HSPA8: variants seen among roughly 807,000 people sequenced by gnomAD.
HSPA8 encodes heat shock protein family A (Hsp70) member 8.
In HSPA8, 2 loss-of-function variants were observed where a neutral mutation model predicts 52.8. The observed-to-expected ratio is 0.04, with a 90% CI of 0.02 to 0.12. The LOEUF (loss-of-function observed/expected upper bound fraction) is 0.12, where lower values mean the gene tolerates loss of function less well. Among genes scored for constraint, HSPA8 ranks in the 10% least tolerant of loss-of-function variants. HSPA8 has a pLI of 1.00. For synonymous variants in HSPA8, 436 were observed against 274.0 expected (o/e 1.59, Z -5.84); for missense variants, 349 against 800.5 (o/e 0.44, Z 6.81).
chr11:123,062,147 G>C (rs568739504), upstream of HSPA8: 2 of 152,604 alleles, frequency 1.3e-5, no homozygotes, highest in Admixed American at 6.5e-5. Context: ...ACCGGTTTCC[G>C]CCCGCCACCC....
At chr11:123,060,329 A>G (rs1865454565) in intron 3 of HSPA8, 61 bp from the exon 4 acceptor site, 2 of 1,482,056 alleles carry the variant, frequency 1.3e-6, no homozygotes, top group African/African-American at 1.4e-5. Context: ...TGCAAACTCC[A>G]GCAAATGGAT....
Position 123,058,874 on chromosome 11 carries a change from T to G in HSPA8, c.1324-44A>C, listed in dbSNP as rs566577895. On this transcript the variant is annotated intron_variant, in intron 6 of 8. Coordinates refer to ENST00000534624, the MANE Select transcript of HSPA8 (RefSeq NM_006597.6). ...AAATTACTACAATGGACTCCAGGTC[T>G]GTGACAGTGCTAGGGTCCTGCTAAG... 6 of 1,569,292 alleles carry G rather than the reference T, an allele frequency of 3.8e-6. No homozygotes were observed. In the Admixed American group the frequency reaches 1.0e-4, roughly 26 times the overall value.
chr11:123,061,831 C>T (rs1865515045), intron 1 of HSPA8: 1 of 164,204 alleles, frequency 6.1e-6, no homozygotes, highest in African/African-American at 2.4e-5. Flanking sequence ...CCGGGCGTCT[C>T]CCAGCCTCCC....
At chr11:123,061,633 GC>G in intron 1 of HSPA8, 3 of 429,774 alleles carry the variant, frequency 7.0e-6, no homozygotes, top group Non-Finnish European at 1.3e-5. Flanking sequence ...AGGTGCCAGT[GC>G]CCCCGGGAGT....
At chr11:123,060,396 G>T in intron 3 of HSPA8, 128 bp from the exon 4 acceptor site, 4 of 1,016,582 alleles carry the variant, frequency 3.9e-6, no homozygotes, top group Non-Finnish European at 5.9e-6. Flanking sequence ...AAATTACTGT[G>T]TAATTGTCAA....
chr11:123,060,297 G>T (rs781509707), intron 3 of HSPA8, 29 bp from the exon 4 acceptor site: 7 of 1,606,162 alleles, frequency 4.4e-6, no homozygotes, highest in Middle Eastern at 1.6e-4. Flanking sequence ...CCACAGATTG[G>T]TAACTATTAT....
Position 123,058,362 on chromosome 11 carries a change from T to A in HSPA8, c.1645A>T (p.Met549Leu). The part of the protein sequence containing the change: ...KNSLESYAFN[M>L]KATVEDEKLQ... Reference sequence around the variant, plus strand: ...TTCTCATCTTCAACAGTTGCTTTCATGTTGAAGGCATAGGACTCAAGTGAA... The same window carrying A: ...TTCTCATCTTCAACAGTTGCTTTCAAGTTGAAGGCATAGGACTCAAGTGAA... The change falls in exon 8 of 9, where the codon ATG (methionine) becomes TTG (leucine). Residue 549 changes from methionine (M) to leucine (L), a missense_variant. Transcript: ENST00000534624. 2 of 1,613,194 alleles carry A rather than the reference T, an allele frequency of 1.2e-6. No homozygotes were observed. Among genetic ancestry groups the A allele is most frequent in the Non-Finnish European group, 1.7e-6 (2 of 1,179,104 alleles).
Position 123,060,261 on chromosome 11 carries a change from G to GT in HSPA8, c.418dup (p.Thr140AsnfsTer12), listed in dbSNP as rs777175548. 6.2e-7 allele frequency: 1 copy of GT among 1,613,196 alleles called. No individual in the cohort carries two copies. On this transcript the variant is annotated frameshift_variant, in exon 4 of 9. Coordinates refer to ENST00000534624, the MANE Select transcript of HSPA8 (RefSeq NM_006597.6). LOFTEE classifies it high-confidence loss of function. ...AGCTGGCACTGTGACCACAGCATTG[G>GT]TAACAGTCTAGGAATAAGGAAAAGA...
intron 1 of HSPA8, 79 bp from the exon 2 acceptor site, chr11:123,061,408 G>C (rs994619252): frequency 1.5e-5 from 17 of 1,149,442 alleles, no homozygotes; most frequent in Admixed American, 4.1e-5. Flanking sequence ...CACTTAACCA[G>C]GAAAAACGTA....
chr11:123,061,066 T>C (rs1865484952), intron 2 of HSPA8, 54 bp downstream of exon 2: 10 of 1,487,548 alleles, frequency 6.7e-6, no homozygotes, highest in Non-Finnish European at 7.5e-6. Flanking sequence ...TCATAAACTT[T>C]TGTGCTTCCT....
chr11:123,058,535 G>A lies in HSPA8; in HGVS notation c.1523-51C>T, dbSNP rs374190356. The A allele has an allele frequency of 3.8e-6, 6 of 1,583,730 alleles. No homozygotes were observed. The Admixed American group carries it at 5.0e-5, about 13-fold the overall frequency. ...AAAGCCTTAAATTACCTGTGTATGT[G>A]TAACTCTAGTTTCTCTTAGCTAGAC... On this transcript the variant is annotated intron_variant, in intron 7 of 8. Transcript: ENST00000534624.
At position 123,058,720 on chromosome 11, in the gene HSPA8, A is replaced by G. The variant is rs775629110; in HGVS notation, c.1434T>C (p.Phe478=). The change falls in exon 7 of 9, where the codon TTT becomes TTC. Residue 478 remains phenylalanine (F), a synonymous_variant. Coordinates refer to ENST00000534624, the MANE Select transcript of HSPA8 (RefSeq NM_006597.6). ...TGAGTATACCATTGGCATCAATGTC[A>G]AAAGTGACTTCAATCTGAGGAACAC... ...PRGVPQIEVT[F]DIDANGILNV... 14 of 1,613,870 alleles carry G rather than the reference A, an allele frequency of 8.7e-6. No homozygotes were observed. The highest frequency in any genetic ancestry group is 1.2e-5 in the Non-Finnish European group (14 of 1,179,936).
intron 5 of HSPA8, 82 bp from the exon 6 acceptor site, chr11:123,059,343 A>ACATC: frequency 7.2e-7 from 1 of 1,392,830 alleles, no homozygotes; most frequent in Non-Finnish European, 1.0e-6. Context: ...ACTCGCTCAG[A>ACATC]CATCCAAGGA....
intron 1 of HSPA8, chr11:123,061,565 C>A (rs571975381): frequency 7.4e-5 from 41 of 556,116 alleles, no homozygotes; most frequent in Non-Finnish European, 1.1e-4. Flanking sequence ...CGGCGTGGGG[C>A]GTTGCTCAAC....
rs149047184 is a variant in HSPA8, at chr11:123,060,367, A to ACCCC, written c.412-103_412-100dup. ...ATGCTGGTGAAAGAACAGCTGGAGC[A>ACCCC]CCCCCCCCACCAAAATGTAAATTAC... On this transcript the variant is annotated intron_variant, in intron 3 of 8. Coordinates refer to ENST00000534624, the MANE Select transcript of HSPA8 (RefSeq NM_006597.6). 2.2e-5 allele frequency: 24 copies of ACCCC among 1,107,112 alleles called. No individual in the cohort carries two copies. In the African/African-American group the frequency reaches 3.2e-4, roughly 15 times the overall value. 68.6% of individuals were successfully genotyped at this position (1,107,112 alleles called of 1,614,324 possible). A position where few individuals can be genotyped will look rare whatever the true frequency, so the allele number is the denominator to read the frequency against.
chr11:123,061,098 T>C (rs1865486565), intron 2 of HSPA8, 22 bp downstream of exon 2: 7 of 1,597,808 alleles, frequency 4.4e-6, no homozygotes, highest in South Asian at 1.1e-5. Flanking sequence ...ATTTGTTCTG[T>C]CATTTAAAAT....
chr11:123,061,692 G>T (rs1225600396), intron 1 of HSPA8: 5 of 298,282 alleles, frequency 1.7e-5, no homozygotes, highest in Non-Finnish European at 2.6e-5. Flanking sequence ...CTGGAAGCAC[G>T]CCAAGAACAG....
Position 123,059,689 on chromosome 11 carries a change from A to G in HSPA8, c.904T>C (p.Phe302Leu). ...DFYTSITRAR[F>L]EELNADLFRG... ...AACAGGTCAGCATTCAGTTCTTCAA[A>G]TCGGGCACGGGTAATGGAGGTATAG... Residue 302 changes from phenylalanine (F) to leucine (L), a missense_variant, in exon 5 of 9, where the codon TTT (phenylalanine) becomes CTT (leucine). By Grantham distance (22) the Phe-to-Leu change is conservative (BLOSUM62 0). Transcript: ENST00000534624. 6.2e-7 allele frequency: 1 copy of G among 1,613,966 alleles called. No individual in the cohort carries two copies. The highest frequency in any genetic ancestry group is 8.5e-7 in the Non-Finnish European group (1 of 1,179,902).
rs1591438164 is a variant in HSPA8 at position 123,059,909 on chromosome 11, C to T, written c.684G>A (p.Leu228=). 1 of 1,613,688 alleles carries T rather than the reference C, an allele frequency of 6.2e-7. No homozygotes were observed. The highest frequency in any genetic ancestry group is 8.5e-7 in the Non-Finnish European group (1 of 1,179,982). Residue 228 remains leucine (L), a synonymous_variant, in exon 5 of 9, where the codon TTG becomes TTA. Coordinates refer to ENST00000534624, the MANE Select transcript of HSPA8 (RefSeq NM_006597.6). ...EVKSTAGDTH[L]GGEDFDNRMV... is the part of the protein sequence containing the mutation. ...TTCGGTTGTCAAAATCTTCTCCACC[C>T]AAGTGGGTGTCTCCAGCTGTAGACT...
Sources: allele counts gnomAD v4.1 joint callset, GRCh38; gene constraint gnomAD v4.1.1; transcripts MANE v1.5; gene names NCBI Gene and HGNC (gene_info 2026-07-23, HGNC 2026-07-21).